Variants in MAP3K5 observed in about 807,000 individuals in gnomAD.
The protein encoded by MAP3K5 is mitogen-activated protein kinase kinase kinase 5.
In MAP3K5, 56 loss-of-function variants were observed where a neutral mutation model predicts 158.7. That is an observed-to-expected ratio of 0.35 (90% CI 0.28 to 0.44). The LOEUF (loss-of-function observed/expected upper bound fraction) is 0.44. Among genes scored for constraint, MAP3K5 ranks in the 20% least tolerant of loss-of-function variants. The probability of loss-of-function intolerance (pLI) is 1.00; values close to 1 mark genes in which losing one functional copy is unlikely to be tolerated. For synonymous variants in MAP3K5, 579 were observed against 601.7 expected (o/e 0.96, Z 0.55); for missense variants, 1,294 against 1,674.8 (o/e 0.77, Z 3.97).
chr6:136,586,707 T>C (rs937106643), intron 23 of MAP3K5, among the ~76,000 whole-genome samples: 37 of 152,238 alleles, frequency 2.4e-4, no homozygotes, highest in African/African-American at 8.7e-4. Flanking sequence ...TCTGTGAGGG[T>C]GTTGCCAAAG....
intron 1 of MAP3K5, among the ~76,000 whole-genome samples, chr6:136,778,763 T>TGAGG (rs1562699463): frequency 6.6e-6 from 1 of 152,248 alleles, no homozygotes; most frequent in Admixed American, 6.5e-5. Context: ...AGTAGCTATG[T>TGAGG]GACACTGAGA....
At chr6:136,741,063 G>A (rs1582621211) in intron 1 of MAP3K5, among the ~76,000 whole-genome samples, 1 of 151,978 alleles carries the variant, frequency 6.6e-6, no homozygotes, top group East Asian at 1.9e-4. Flanking sequence ...GACTGTCTTG[G>A]TTGTCGATAT....
At chr6:136,574,683 CTTTTTTTTTTT>C (rs1223054758) in intron 25 of MAP3K5, among the ~76,000 whole-genome samples, 3 of 108,548 alleles carry the variant, frequency 2.8e-5, no homozygotes, top group South Asian at 2.9e-4. Context: ...AGATTAAACA[CTTTTTTTTTTT>C]TTTTTTTTTT....
At chr6:136,731,158 T>C (rs1782208490) in intron 1 of MAP3K5, among the ~76,000 whole-genome samples, 2 of 152,180 alleles carry the variant, frequency 1.3e-5, no homozygotes, top group South Asian at 4.1e-4. Flanking sequence ...TGAAGGGGTC[T>C]TCTGGGGTGC....
rs142224140 is a variant in MAP3K5, at chr6:136,671,845, C to T, written c.1254-2450G>A. Among the ~76,000 whole-genome samples the T allele has an allele frequency of 9.5e-3, 1,436 of 151,024 alleles. 31 individuals carry two copies. The highest frequency in any genetic ancestry group is 0.033 in the African/African-American group (1,356 of 41,078). ...TTTGCCATGTGAGTCAGGCTGGTCT[C>T]GAACTCCAGACCTCAGGTGATCCGC... On this transcript the variant is annotated intron_variant, in intron 7 of 29. Transcript: ENST00000359015.
At chr6:136,652,719 T>C (rs533940825) in intron 10 of MAP3K5, among the ~76,000 whole-genome samples, 39 of 152,356 alleles carry the variant, frequency 2.6e-4, no homozygotes, top group African/African-American at 8.9e-4. Flanking sequence ...AAATTATGTC[T>C]TTATTGTCAT....
chr6:136,719,509 T>A (rs1264001636), intron 2 of MAP3K5, among the ~76,000 whole-genome samples: 1 of 152,236 alleles, frequency 6.6e-6, no homozygotes, highest in Non-Finnish European at 1.5e-5. Flanking sequence ...ATGCCTGGCA[T>A]GTAGTAGGTA....
At chr6:136,633,323 C>T (rs1032058011) in intron 14 of MAP3K5, among the ~76,000 whole-genome samples, 2 of 151,650 alleles carry the variant, frequency 1.3e-5, no homozygotes, top group African/African-American at 2.4e-5. Context: ...TGCTTGAACC[C>T]GGGGGTGGAG....
At chr6:136,776,308 A>C (rs987177018) in intron 1 of MAP3K5, among the ~76,000 whole-genome samples, 1 of 152,176 alleles carries the variant, frequency 6.6e-6, no homozygotes, top group East Asian at 1.9e-4. Context: ...CAGTGGCGCA[A>C]TTATGGCTCA....
intron 1 of MAP3K5, among the ~76,000 whole-genome samples, chr6:136,785,713 T>C (rs1784815159): frequency 6.6e-6 from 1 of 152,116 alleles, no homozygotes; most frequent in Admixed American, 6.6e-5. Context: ...TTTGTCCCCT[T>C]CCTCACCACA....
In MAP3K5 at chr6:136,601,952, T is replaced by C. The variant is rs367981412; in HGVS notation, c.2707A>G (p.Ile903Val). 1 of 1,613,874 alleles carries C rather than the reference T, an allele frequency of 6.2e-7. No individual in the cohort carries two copies. Among genetic ancestry groups the C allele is most frequent in the Non-Finnish European group, 8.5e-7 (1 of 1,179,984 alleles). ...KVGMFKVHPE[I>V]PESMSAEAKA... ...GCCTCTGCAGACATGGACTCTGGGA[T>C]CTCAGGGTGGACTTTAAACATTCCC... The change falls in exon 20 of 30, where the codon ATC (isoleucine) becomes GTC (valine). Residue 903 changes from isoleucine to valine, a missense_variant. Physicochemically the swap from Ile to Val is conservative, Grantham distance 29 (BLOSUM62 3). Coordinates refer to ENST00000359015, the MANE Select transcript of MAP3K5 (RefSeq NM_005923.4).
At chr6:136,697,917 G>C (rs761253541) in intron 4 of MAP3K5, among the ~76,000 whole-genome samples, 9 of 152,066 alleles carry the variant, frequency 5.9e-5, no homozygotes, top group African/African-American at 9.7e-5. Flanking sequence ...GCTAATTTTT[G>C]TATTTTTGGT....
chr6:136,610,861 C>G (rs1048337366), intron 18 of MAP3K5, among the ~76,000 whole-genome samples: 1 of 151,922 alleles, frequency 6.6e-6, no homozygotes, highest in Non-Finnish European at 1.5e-5. Context: ...GTAATCCCAA[C>G]ACTTTTGGAG....
chr6:136,652,458 C>G (rs975926936), intron 10 of MAP3K5, among the ~76,000 whole-genome samples: 2 of 152,108 alleles, frequency 1.3e-5, no homozygotes, highest in Non-Finnish European at 2.9e-5. Context: ...TAATTCCAAT[C>G]AACAGAGACA....
At chr6:136,741,064 T>C (rs1359187233) in intron 1 of MAP3K5, among the ~76,000 whole-genome samples, 1 of 152,218 alleles carries the variant, frequency 6.6e-6, no homozygotes, top group Non-Finnish European at 1.5e-5. Flanking sequence ...ACTGTCTTGG[T>C]TGTCGATATA....
At chr6:136,591,251 A>G (rs983259238) in intron 23 of MAP3K5, among the ~76,000 whole-genome samples, 4 of 152,224 alleles carry the variant, frequency 2.6e-5, no homozygotes, top group African/African-American at 9.7e-5. Context: ...ACAGACTAAT[A>G]CATATAGTTT....
At chr6:136,725,420 G>A (rs1781926456) in intron 1 of MAP3K5, among the ~76,000 whole-genome samples, 1 of 152,128 alleles carries the variant, frequency 6.6e-6, no homozygotes, top group Non-Finnish European at 1.5e-5. Context: ...GTGGTACTTC[G>A]TTATGGTTTT....
intron 1 of MAP3K5, among the ~76,000 whole-genome samples, chr6:136,780,227 C>T (rs1784562208): frequency 6.6e-6 from 1 of 152,130 alleles, no homozygotes; most frequent in Non-Finnish European, 1.5e-5. Context: ...TTATGCAAAA[C>T]TGATAGTAAT....
At position 136,609,507 on chromosome 6, in the gene MAP3K5, T is replaced by C. The variant is rs1458336891; in HGVS notation, c.2521+1775A>G. Among the ~76,000 whole-genome samples the C allele has an allele frequency of 6.6e-6, 1 of 151,868 alleles. No individual in the cohort carries two copies. The highest frequency in any genetic ancestry group is 1.9e-4 in the East Asian group (1 of 5,164). On this transcript the variant is annotated intron_variant, in intron 18 of 29. Coordinates refer to ENST00000359015, the MANE Select transcript of MAP3K5 (RefSeq NM_005923.4). This position sits in a 1 kb window ranked among gnomAD's most constrained non-coding sequence, Gnocchi z 4.4. ...GCAAACAGTAGATACAAAATCTGAG[T>C]TCTGGCTAGGCGTGGGGGTTCGCAC...
Sources: gnomAD v4.1 joint callset for allele counts (sites outside exome capture counted in the v4.1 genomes callset) on GRCh38, gnomAD v4.1.1 for gene constraint, Gnocchi (gnomAD v3.1) non-coding constraint, MANE v1.5 for transcripts, NCBI Gene and HGNC (gene_info 2026-07-23, HGNC 2026-07-21) for gene names.